C3orf70: variants seen among roughly 807,000 people sequenced by gnomAD.
C3orf70 encodes the protein chromosome 3 open reading frame 70.
In C3orf70, 15 loss-of-function variants were observed where a neutral mutation model predicts 20.7. The observed-to-expected ratio is 0.72, with a 90% CI of 0.48 to 1.11. C3orf70 has a LOEUF of 1.11. Among genes scored for constraint, C3orf70 ranks in the 50% most tolerant of loss-of-function variants. C3orf70 has a pLI of 0.00. For synonymous variants in C3orf70, 161 were observed against 125.7 expected (o/e 1.28, Z -1.88); for missense variants, 332 against 317.6 (o/e 1.05, Z -0.34).
chr3:185,136,449 C>T (rs1194243048), intron 1 of C3orf70, among the ~76,000 whole-genome samples: 5 of 152,064 alleles, frequency 3.3e-5, no homozygotes, highest in African/African-American at 1.2e-4. Context: ...TTAGGCCAGG[C>T]GCGGTGGCTC....
At chr3:185,105,406 A>G (rs1715913425) in intron 1 of C3orf70, among the ~76,000 whole-genome samples, 1 of 152,252 alleles carries the variant, frequency 6.6e-6, no homozygotes, top group African/African-American at 2.4e-5. Flanking sequence ...CACAAACAAT[A>G]GCATGAGCGA....
At chr3:185,098,885 T>C (rs1715764469) in intron 1 of C3orf70, among the ~76,000 whole-genome samples, 1 of 152,188 alleles carries the variant, frequency 6.6e-6, no homozygotes, top group Non-Finnish European at 1.5e-5. Context: ...TGATTTCCCG[T>C]GGGCGTCATC....
At chr3:185,125,462 A>G (rs895892285) in intron 1 of C3orf70, among the ~76,000 whole-genome samples, 6 of 152,180 alleles carry the variant, frequency 3.9e-5, no homozygotes, top group Non-Finnish European at 7.3e-5. Context: ...TAGAAAATTA[A>G]ACATAAACTT....
chr3:185,133,978 A>G (rs1198691589), intron 1 of C3orf70, among the ~76,000 whole-genome samples: 1 of 151,866 alleles, frequency 6.6e-6, no homozygotes, highest in Non-Finnish European at 1.5e-5. Context: ...AGTCCCAGCT[A>G]CTCAGGAGGC....
chr3:185,077,441 A>G lies in C3orf70; in HGVS notation c.*5566T>C, dbSNP rs1321833220. 6.6e-6 allele frequency among the ~76,000 whole-genome samples: 1 copy of G among 152,202 alleles called. No homozygotes were observed. Among genetic ancestry groups the G allele is most frequent in the African/African-American group, 2.4e-5 (1 of 41,448 alleles). ...ATGGGGCTGCTTTAATCTCCCTCACAGGGTTGCTGTGGAGATTATGCATAG... is the reference window on the plus strand; with the variant it reads ...ATGGGGCTGCTTTAATCTCCCTCACGGGGTTGCTGTGGAGATTATGCATAG... On this transcript the variant is annotated 3_prime_UTR_variant, in exon 2 of 2. Coordinates refer to ENST00000335012, the MANE Select transcript of C3orf70 (RefSeq NM_001025266.3).
rs1715222664 is a variant in C3orf70, at chr3:185,077,602, C to T, written c.*5405G>A. On this transcript the variant is annotated 3_prime_UTR_variant, in exon 2 of 2. Coordinates refer to ENST00000335012, the MANE Select transcript of C3orf70 (RefSeq NM_001025266.3). ...GAAGCTGTTCTTTTCTGAGTATGGACTTGCCGCGCTGAGGCCTGGCCCCTG... is the reference window on the plus strand; with the variant it reads ...GAAGCTGTTCTTTTCTGAGTATGGATTTGCCGCGCTGAGGCCTGGCCCCTG... Among the ~76,000 whole-genome samples, 2 of 152,110 alleles carry T rather than the reference C, an allele frequency of 1.3e-5. No individual in the cohort carries two copies. Among genetic ancestry groups the T allele is most frequent in the South Asian group, 4.1e-4 (2 of 4,824 alleles).
rs1357145243 is a variant in C3orf70, at chr3:185,078,943, C to G, written c.*4064G>C. On this transcript the variant is annotated 3_prime_UTR_variant, in exon 2 of 2. Coordinates refer to ENST00000335012, the MANE Select transcript of C3orf70 (RefSeq NM_001025266.3). Reference sequence around the variant, plus strand: ...GCATAAAAGGGGTTTGTTATCGGTCCCAAAATACTTGTGATGGTTCAAATA... The same window carrying G: ...GCATAAAAGGGGTTTGTTATCGGTCGCAAAATACTTGTGATGGTTCAAATA... The G allele has an allele frequency of 6.6e-6, 1 of 151,934 alleles. No individual in the cohort carries two copies. The highest frequency in any genetic ancestry group is 1.5e-5 in the Non-Finnish European group (1 of 67,988). 9.4% of individuals were successfully genotyped at this position (151,934 alleles called of 1,614,324 possible). A position where few individuals can be genotyped will look rare whatever the true frequency, so the allele number is the denominator to read the frequency against.
chr3:185,095,806 G>A (rs927324697), intron 1 of C3orf70, among the ~76,000 whole-genome samples: 8 of 145,496 alleles, frequency 5.5e-5, no homozygotes, highest in African/African-American at 1.3e-4. Flanking sequence ...GCACGATCTC[G>A]GCTCACTGCA....
chr3:185,117,793 T>C (rs996142686), intron 1 of C3orf70, among the ~76,000 whole-genome samples: 1 of 152,218 alleles, frequency 6.6e-6, no homozygotes, highest in East Asian at 1.9e-4. Flanking sequence ...CTCCCACATG[T>C]GCGCTACGTT....
chr3:185,136,294 C>T (rs897719796), intron 1 of C3orf70, among the ~76,000 whole-genome samples: 4 of 152,154 alleles, frequency 2.6e-5, no homozygotes, highest in African/African-American at 7.2e-5. Context: ...GACAAAAGAA[C>T]TACAAATATC....
At chr3:185,110,259 T>C (rs1291713465) in intron 1 of C3orf70, among the ~76,000 whole-genome samples, 1 of 152,210 alleles carries the variant, frequency 6.6e-6, no homozygotes, top group South Asian at 2.1e-4. Flanking sequence ...ATTGCAAAAT[T>C]AAAGAACAAA....
At chr3:185,134,125 A>ATATATATATATATATT (rs71298570) in intron 1 of C3orf70, among the ~76,000 whole-genome samples, 9 of 145,826 alleles carry the variant, frequency 6.2e-5, no homozygotes, top group Admixed American at 1.3e-4. Flanking sequence ...TCATATATAT[A>ATATATATATATATATT]TAGAGGAGAT....
At chr3:185,093,523 T>G (rs1206832742) in intron 1 of C3orf70, among the ~76,000 whole-genome samples, 3 of 152,058 alleles carry the variant, frequency 2.0e-5, no homozygotes, top group Non-Finnish European at 1.5e-5. Context: ...AGTGAACAAC[T>G]AGGGGGAAAG....
At chr3:185,117,418 TACACACACACACAC>T (rs141665642) in intron 1 of C3orf70, among the ~76,000 whole-genome samples, 12 of 135,112 alleles carry the variant, frequency 8.9e-5, no homozygotes, top group Non-Finnish European at 5.0e-5. Flanking sequence ...ACCACACACA[TACACACACACACAC>T]ACACACACAC....
At chr3:185,117,454 A>AAG (rs3072374) in intron 1 of C3orf70, among the ~76,000 whole-genome samples, 48,980 of 141,816 alleles carry the variant, frequency 0.35, 8,325 homozygotes, top group East Asian at 0.62. Context: ...CACACACAGA[A>AAG]AGAGAGAGAG....
At chr3:185,130,872 CT>C (rs1171990773) in intron 1 of C3orf70, among the ~76,000 whole-genome samples, 20 of 152,284 alleles carry the variant, frequency 1.3e-4, no homozygotes, top group African/African-American at 4.6e-4. Context: ...AATTAATGGA[CT>C]TTTGGGTTCT....
At chr3:185,136,494 G>A (rs147764638) in intron 1 of C3orf70, among the ~76,000 whole-genome samples, 2,835 of 152,192 alleles carry the variant, frequency 0.019, 91 homozygotes, top group African/African-American at 0.065. Flanking sequence ...AGGCCAAGGC[G>A]GGTGGATCAC....
intron 1 of C3orf70, among the ~76,000 whole-genome samples, chr3:185,121,483 AT>A (rs1471118393): frequency 1.3e-5 from 2 of 152,202 alleles, no homozygotes; most frequent in African/African-American, 2.4e-5. Flanking sequence ...CAAGAGGACT[AT>A]TTATTATAGC....
intron 1 of C3orf70, among the ~76,000 whole-genome samples, chr3:185,108,111 A>G (rs934094613): frequency 3.9e-5 from 6 of 152,216 alleles, no homozygotes; most frequent in African/African-American, 1.4e-4. Flanking sequence ...AAACCCATTT[A>G]GCTGACTTTG....
Sources: allele counts gnomAD v4.1 joint callset (sites outside exome capture counted in the v4.1 genomes callset), GRCh38; gene constraint gnomAD v4.1.1; transcripts MANE v1.5; gene names NCBI Gene and HGNC (gene_info 2026-07-23, HGNC 2026-07-21).